The following PCNX4 variants were observed in gnomAD, a reference collection of about 807,000 sequenced individuals.
PCNX4 encodes the protein pecanex-like protein 4.
Under a neutral mutation model 107.2 loss-of-function variants are expected in PCNX4, and 103 were observed. The ratio of observed to expected loss-of-function variants is 0.96; its 90% CI spans 0.82 to 1.13. The LOEUF is 1.13. Among genes scored for constraint, PCNX4 ranks in the 50% most tolerant of loss-of-function variants. PCNX4 has a pLI of 0.00. For missense variants in PCNX4, 1,528 were observed against 1,379.4 expected (o/e 1.11, Z -1.71); for synonymous variants, 541 against 481.7 (o/e 1.12, Z -1.61).
chr14:60,096,581 G>T (rs1314567160), intron 1 of PCNX4, among the ~76,000 whole-genome samples: 1 of 152,194 alleles, frequency 6.6e-6, no homozygotes, highest in Non-Finnish European at 1.5e-5. Context: ...AGGTAACCAC[G>T]GCCATAAGTT....
rs753660745 is a variant in PCNX4 at position 60,114,808 on chromosome 14, A to G, written c.798A>G (p.Ala266=). The G allele has an allele frequency of 2.5e-6, 4 of 1,613,606 alleles. No individual in the cohort carries two copies. The African/African-American group carries it at 5.3e-5, about 22-fold the overall frequency. ...WALGTLPPPD[A]LLLWAMEQVL... Reference sequence around the variant, plus strand: ...TTGGGACTCTGCCCCCACCCGATGCACTTCTCTTATGGGCAATGGAGCAGG... The same window carrying G: ...TTGGGACTCTGCCCCCACCCGATGCGCTTCTCTTATGGGCAATGGAGCAGG... Residue 266 remains alanine (A), a synonymous_variant, in exon 3 of 11, where the codon GCA becomes GCG. Coordinates refer to ENST00000406854, the MANE Select transcript of PCNX4 (RefSeq NM_001330177.2).
In PCNX4 at chr14:60,125,231, A is replaced by G. The variant is rs752615502; in HGVS notation, c.3060A>G (p.Gln1020=). ...DWLTEKPELF[Q]LALKAFRYTL... The stretch of plus-strand genomic sequence containing the variant: ...TCACAGAAAAGCCAGAACTGTTTCA[A>G]CTAGCACTGAAAGCATTCAGGTAAT... Residue 1020 remains glutamine (Q), a synonymous_variant, in exon 9 of 11, where the codon CAA becomes CAG. Coordinates refer to ENST00000406854, the MANE Select transcript of PCNX4 (RefSeq NM_001330177.2). The G allele has an allele frequency of 1.4e-5, 22 of 1,578,616 alleles. No homozygotes were observed. In the Admixed American group the frequency reaches 1.5e-4, roughly 11 times the overall value.
chr14:60,128,446 C>T (rs1046120282), intron 10 of PCNX4, among the ~76,000 whole-genome samples: 1 of 152,120 alleles, frequency 6.6e-6, no homozygotes, highest in Non-Finnish European at 1.5e-5. Context: ...AAAGTGCCCC[C>T]TAAAGAAAAC....
At chr14:60,131,624 TC>T (rs1896156742) in intron 10 of PCNX4, among the ~76,000 whole-genome samples, 2 of 152,228 alleles carry the variant, frequency 1.3e-5, no homozygotes, top group African/African-American at 4.8e-5. Flanking sequence ...GGCAATACTC[TC>T]CAAATATATC....
Position 60,094,884 on chromosome 14 carries a change from CACTT to C in PCNX4, c.-54+2467_-54+2470del, listed in dbSNP as rs1430397951. Among the ~76,000 whole-genome samples, 5 of 151,502 alleles carry C rather than the reference CACTT, an allele frequency of 3.3e-5. No homozygotes were observed. The East Asian group carries it at 7.8e-4, about 24-fold the overall frequency. On this transcript the variant is annotated intron_variant, in intron 1 of 10. Coordinates refer to ENST00000406854, the MANE Select transcript of PCNX4 (RefSeq NM_001330177.2). ...AACTGACATTGTATCTTGGTTAAGT[CACTT>C]AATATCACTGGTTCTCAGGTTTTTT...
Position 60,140,507 on chromosome 14 carries a change from T to C in PCNX4, c.*6286T>C, listed in dbSNP as rs1169132437. 1.3e-5 allele frequency: 2 copies of C among 152,066 alleles called. No homozygotes were observed. The highest frequency in any genetic ancestry group is 2.9e-5 in the Non-Finnish European group (2 of 67,998). 9.4% of individuals were successfully genotyped at this position (152,066 alleles called of 1,614,324 possible). On this transcript the variant is annotated 3_prime_UTR_variant, in exon 11 of 11. Transcript: ENST00000406854. The surrounding 1 kb of genome is among the most constrained non-coding windows in gnomAD (Gnocchi z 4.2). ...GCCAGAAAACCTAGATACCAAAACC[T>C]GGCAAAAACTTTATGAGAAAGGGAC...
intron 1 of PCNX4, among the ~76,000 whole-genome samples, chr14:60,098,944 GAA>G (rs113426666): frequency 8.3e-6 from 1 of 120,898 alleles, no homozygotes; most frequent in South Asian, 2.8e-4. Flanking sequence ...GTCTCAAAAA[GAA>G]AAAAAAAAAA....
chr14:60,108,979 G>C lies in PCNX4; in HGVS notation c.689+652G>C, dbSNP rs1022556937. 4.2e-5 allele frequency: 7 copies of C among 166,830 alleles called. No individual in the cohort carries two copies. In the East Asian group the frequency reaches 1.2e-3, roughly 28 times the overall value. 10.3% of individuals were successfully genotyped at this position (166,830 alleles called of 1,614,324 possible). On this transcript the variant is annotated intron_variant, in intron 2 of 10. Transcript: ENST00000406854. ...TCAGCATGTTATGGACTGAATATTT[G>C]TGTCTCTCCAGAATTCATATATTAC...
chr14:60,111,102 TCTTGTA>T (rs1176815554), intron 2 of PCNX4: 2 of 164,606 alleles, frequency 1.2e-5, no homozygotes, highest in Non-Finnish European at 2.9e-5. Context: ...GGCAGCCTGA[TCTTGTA>T]CTTGTAGCCC....
rs574017824 is a variant in PCNX4 at position 60,093,705 on chromosome 14, C to T, written c.-54+1286C>T. 2.6e-5 allele frequency among the ~76,000 whole-genome samples: 4 copies of T among 152,082 alleles called. No homozygotes were observed. The South Asian group carries it at 8.3e-4, about 32-fold the overall frequency. On this transcript the variant is annotated intron_variant, in intron 1 of 10. Coordinates refer to ENST00000406854, the MANE Select transcript of PCNX4 (RefSeq NM_001330177.2). ...GTTTTTATCTCTGTTGGGTGTATAC[C>T]TGAGAGTAGAATTACTGGGTTATAT...
rs308998 is a variant in PCNX4, at chr14:60,118,413, A to G, written c.1663A>G (p.Lys555Glu). Residue 555 changes from lysine to glutamate, a missense_variant, in exon 7 of 11, where the codon AAA becomes GAA. Physicochemically the swap from Lys to Glu is moderately conservative, Grantham distance 56 (BLOSUM62 1). Transcript: ENST00000406854. The part of the protein sequence containing the change: ...VTVLLTSWTE[K>E]KQRRKTTATL... ...TGTGCTTTTGACATCATGGACAGAG[A>G]AAAAACAACGTCGAAAAACAACTGC... 265,460 of 1,612,832 alleles carry G rather than the reference A, an allele frequency of 0.16. 30,187 individuals carry two copies. Among genetic ancestry groups the G allele is most frequent in the African/African-American group, 0.51 (38,070 of 74,894 alleles).
In PCNX4 at chr14:60,136,320, T is replaced by G. The variant is rs1292810720; in HGVS notation, c.*2099T>G. The G allele has an allele frequency of 6.6e-6, 1 of 152,140 alleles. No individual in the cohort carries two copies. The highest frequency in any genetic ancestry group is 1.5e-5 in the Non-Finnish European group (1 of 68,022). 9.4% of individuals were successfully genotyped at this position (152,140 alleles called of 1,614,324 possible). On this transcript the variant is annotated 3_prime_UTR_variant, in exon 11 of 11. Coordinates refer to ENST00000406854, the MANE Select transcript of PCNX4 (RefSeq NM_001330177.2). ...TCCTCTTCTACCTGACCTCTAAATT[T>G]TAGAATTTCTCAACAATTGATTCTA...
chr14:60,106,147 C>G (rs1289480487), intron 1 of PCNX4, among the ~76,000 whole-genome samples: 4 of 152,122 alleles, frequency 2.6e-5, no homozygotes, highest in African/African-American at 4.8e-5. Context: ...CGATTTGGCC[C>G]TGTAGTTCTG....
chr14:60,121,049 G>A, intron 7 of PCNX4, 147 bp from the exon 8 acceptor site: 1 of 995,530 alleles, frequency 1.0e-6, no homozygotes, highest in Non-Finnish European at 1.4e-6. Context: ...CACATGAATA[G>A]TTATTTCTGT....
chr14:60,095,154 G>A (rs1895399244), intron 1 of PCNX4, among the ~76,000 whole-genome samples: 1 of 152,130 alleles, frequency 6.6e-6, no homozygotes, highest in Non-Finnish European at 1.5e-5. Flanking sequence ...AAATTTAAAG[G>A]GGAAAGGGCA....
intron 1 of PCNX4, among the ~76,000 whole-genome samples, chr14:60,098,971 C>G (rs1356155321): frequency 6.6e-6 from 1 of 151,874 alleles, no homozygotes. Flanking sequence ...AGAAAAGACT[C>G]CAGAATTTAG....
Position 60,125,788 on chromosome 14 carries a change from C to T in PCNX4, c.3232C>T (p.Pro1078Ser), listed in dbSNP as rs1209914332. 6.2e-7 allele frequency: 1 copy of T among 1,609,000 alleles called. No individual in the cohort carries two copies. The highest frequency in any genetic ancestry group is 8.5e-7 in the Non-Finnish European group (1 of 1,177,908). The stretch of plus-strand genomic sequence containing the variant: ...GAAGGAAGCAATTTTACAAGAAAAG[C>T]CATACTTGTTTTCTCTGGGGTATGA... ...KWKEAILQEK[P>S]YLFSLGYDSN... Residue 1078 changes from proline to serine, a missense_variant, in exon 10 of 11, where the codon CCA becomes TCA. Physicochemically the swap from Pro to Ser is moderately conservative, Grantham distance 74 (BLOSUM62 -1). Coordinates refer to ENST00000406854, the MANE Select transcript of PCNX4 (RefSeq NM_001330177.2).
In PCNX4 at chr14:60,113,432, A is replaced by T. The variant is rs575275604; in HGVS notation, c.690-1268A>T. ...TGCCCAGGCTGGAGTGCAATCACGCAATCTCGGTTCACTGGAACCTCCGCC... is the reference window on the plus strand; with the variant it reads ...TGCCCAGGCTGGAGTGCAATCACGCTATCTCGGTTCACTGGAACCTCCGCC... On this transcript the variant is annotated intron_variant, in intron 2 of 10. Coordinates refer to ENST00000406854, the MANE Select transcript of PCNX4 (RefSeq NM_001330177.2). Among the ~76,000 whole-genome samples, 43 of 152,138 alleles carry T rather than the reference A, an allele frequency of 2.8e-4. No individual in the cohort carries two copies. The South Asian group carries it at 4.8e-3, about 17-fold the overall frequency.
Position 60,124,669 on chromosome 14 carries a change from T to G in PCNX4, c.2498T>G (p.Ile833Ser), listed in dbSNP as rs763536664. 3.3e-5 allele frequency: 53 copies of G among 1,613,414 alleles called. No homozygotes were observed. The highest frequency in any genetic ancestry group is 4.2e-5 in the Non-Finnish European group (50 of 1,179,710). The change falls in exon 9 of 11, where the codon ATC (isoleucine) becomes AGC (serine). Residue 833 changes from isoleucine to serine, a missense_variant. By Grantham distance (142) the Ile-to-Ser change is moderately radical. Coordinates refer to ENST00000406854, the MANE Select transcript of PCNX4 (RefSeq NM_001330177.2). ...DDNIFDDEPT[I>S]KKVIEEKHQL... ...AATATTTTTGATGATGAGCCAACTA[T>G]CAAAAAAGTAATAGAAGAAAAACAT...
Sources: allele counts gnomAD v4.1 joint callset (sites outside exome capture counted in the v4.1 genomes callset), GRCh38; gene constraint gnomAD v4.1.1; non-coding constraint Gnocchi (gnomAD v3.1); transcripts MANE v1.5; gene names NCBI Gene and HGNC (gene_info 2026-07-23, HGNC 2026-07-21).